Variants in ZNF121 observed in about 807,000 individuals in gnomAD.
The protein encoded by ZNF121 is zinc finger protein 121 (clone ZHC32).
A neutral mutation model predicts 2.4 loss-of-function variants in ZNF121; 1 was observed. That is an observed-to-expected ratio of 0.41 (90% CI 0.15 to 1.94). ZNF121 has a LOEUF of 1.94. Among genes scored for constraint, ZNF121 ranks in the 30% most tolerant of loss-of-function variants. The pLI is 0.30. For synonymous variants in ZNF121, 173 were observed against 158.6 expected, an observed-to-expected ratio of 1.09 and a Z score of -0.68; for missense variants, 369 against 466.3, an observed-to-expected ratio of 0.79 and a Z score of 1.92.
chr19:9,571,281 T>C (rs1442151930), intron 1 of ZNF121, among the ~76,000 whole-genome samples: 1 of 152,192 alleles, frequency 6.6e-6, no homozygotes, highest in Non-Finnish European at 1.5e-5. Flanking sequence ...CCATGGGCCA[T>C]AGTGTACCAA....
Position 9,565,423 on chromosome 19 carries a change from A to G in ZNF121, c.*517T>C, listed in dbSNP as rs1276076134. On this transcript the variant is annotated 3_prime_UTR_variant, in exon 4 of 4. Coordinates refer to ENST00000320451, the MANE Select transcript of ZNF121 (RefSeq NM_001008727.5). ...AGTGGCTCACTCCTATAATCCCAGC[A>G]CTTTGGGAGGCCAAGGCGGGTGGAT... The G allele has an allele frequency of 7.0e-6, 1 of 143,298 alleles. No homozygotes were observed. The highest frequency in any genetic ancestry group is 1.5e-5 in the Non-Finnish European group (1 of 66,394). The allele number at this position is 143,298 out of a possible 1,614,324, so 8.9% of individuals were successfully genotyped here. A position where few individuals can be genotyped will look rare whatever the true frequency, so the allele number is the denominator to read the frequency against.
rs929704709 is a variant in ZNF121 at position 9,584,445 on chromosome 19, A to G, written c.-160+16T>C. 7.9e-5 allele frequency: 12 copies of G among 152,528 alleles called. No individual in the cohort carries two copies. The highest frequency in any genetic ancestry group is 2.9e-4 in the African/African-American group (12 of 41,592). The allele number at this position is 152,528 out of a possible 1,614,324, so 9.4% of individuals were successfully genotyped here. A position where few individuals can be genotyped will look rare whatever the true frequency, so the allele number is the denominator to read the frequency against. ...CCCCCCGCTATCTCCGGGATCCCCA[A>G]GCAGGCGGAACTCACCACAGCCAGG... On this transcript the variant is annotated intron_variant, in intron 1 of 3. Coordinates refer to ENST00000320451, the MANE Select transcript of ZNF121 (RefSeq NM_001008727.5).
At chr19:9,573,923 T>C (rs1207765039) in intron 1 of ZNF121, among the ~76,000 whole-genome samples, 1 of 152,020 alleles carries the variant, frequency 6.6e-6, no homozygotes, top group Non-Finnish European at 1.5e-5. Context: ...CATGGCTCAA[T>C]GCAGCCTTTA....
chr19:9,583,131 C>G (rs1361795378), intron 1 of ZNF121, among the ~76,000 whole-genome samples: 4 of 149,486 alleles, frequency 2.7e-5, no homozygotes, highest in Non-Finnish European at 5.9e-5. Context: ...GCAGGAGAAT[C>G]ACTTGAACCC....
chr19:9,582,340 C>G (rs957758129), intron 1 of ZNF121, among the ~76,000 whole-genome samples: 5 of 152,132 alleles, frequency 3.3e-5, no homozygotes, highest in Non-Finnish European at 7.4e-5. Flanking sequence ...TGACATTCCA[C>G]CATTGTGATT....
At position 9,561,915 on chromosome 19, in the gene ZNF121, A is replaced by C. The variant is rs1203759763; in HGVS notation, c.*4025T>G. On this transcript the variant is annotated 3_prime_UTR_variant, in exon 4 of 4. Coordinates refer to ENST00000320451, the MANE Select transcript of ZNF121 (RefSeq NM_001008727.5). ...CAAAAAGAAAAAAAAAAAAAAGGAA[A>C]AGAAAACCACCATTTGGAAACCACT... 5 of 152,154 alleles carry C rather than the reference A, an allele frequency of 3.3e-5. No individual in the cohort carries two copies. Among genetic ancestry groups the C allele is most frequent in the Admixed American group, 3.3e-4 (5 of 15,246 alleles). 9.4% of individuals were successfully genotyped at this position (152,154 alleles called of 1,614,324 possible). A position where few individuals can be genotyped will look rare whatever the true frequency, so the allele number is the denominator to read the frequency against.
Position 9,566,568 on chromosome 19 carries a change from G to A in ZNF121, c.545C>T (p.Thr182Ile), listed in dbSNP as rs773232409. 2 of 1,614,222 alleles carry A rather than the reference G, an allele frequency of 1.2e-6. No homozygotes were observed. Among genetic ancestry groups the A allele is most frequent in the Non-Finnish European group, 1.7e-6 (2 of 1,180,036 alleles). The change falls in exon 4 of 4, where the codon ACT becomes ATT. Residue 182 changes from threonine (T) to isoleucine (I), a missense_variant. Physicochemically the swap from Thr to Ile is moderately conservative, Grantham distance 89. Around this residue, in one of 4 missense-constraint regions of ZNF121, gnomAD observed 68 missense variants for 105.5 expected, o/e 0.64. Coordinates refer to ENST00000320451, the MANE Select transcript of ZNF121 (RefSeq NM_001008727.5). ...ATGTTCAACTAGGTGTGAAGAAACA[G>A]TGAAGCATTTCCCACATTCCTTACA... is the stretch of plus-strand genomic sequence containing the variant. ...YECKECGKCF[T>I]VSSHLVEHVR...
rs2074116085 is a variant in ZNF121 at position 9,564,194 on chromosome 19, G to C, written c.*1746C>G. On this transcript the variant is annotated 3_prime_UTR_variant, in exon 4 of 4. Transcript: ENST00000320451. ...CCATTAACAACATTTATGATTCATG[G>C]AAGGAGGTCAAAATATCAACATTAA... 1 of 152,106 alleles carries C rather than the reference G, an allele frequency of 6.6e-6. No individual in the cohort carries two copies. Among genetic ancestry groups the C allele is most frequent in the African/African-American group, 2.4e-5 (1 of 41,420 alleles). 9.4% of individuals were successfully genotyped at this position (152,106 alleles called of 1,614,324 possible).
intron 1 of ZNF121, among the ~76,000 whole-genome samples, chr19:9,578,393 C>CA (rs977985755): frequency 2.0e-3 from 278 of 136,206 alleles, no homozygotes; most frequent in African/African-American, 5.2e-3. Flanking sequence ...GACTTAGTCT[C>CA]AAAAAAAAAA....
In ZNF121 at chr19:9,565,403, C is replaced by T. The variant is rs928932957; in HGVS notation, c.*537G>A. On this transcript the variant is annotated 3_prime_UTR_variant, in exon 4 of 4. Coordinates refer to ENST00000320451, the MANE Select transcript of ZNF121 (RefSeq NM_001008727.5). ...AAAAAAAAAAGGCCAGGAGCAGTGG[C>T]TCACTCCTATAATCCCAGCACTTTG... 7.8e-6 allele frequency: 1 copy of T among 128,198 alleles called. No homozygotes were observed. The highest frequency in any genetic ancestry group is 2.9e-5 in the African/African-American group (1 of 34,728). 7.9% of individuals were successfully genotyped at this position (128,198 alleles called of 1,614,324 possible).
At chr19:9,579,768 T>C (rs1259746296) in intron 1 of ZNF121, among the ~76,000 whole-genome samples, 1 of 152,256 alleles carries the variant, frequency 6.6e-6, no homozygotes, top group African/African-American at 2.4e-5. Flanking sequence ...AACACTCATC[T>C]ATTGTACATT....
Position 9,565,068 on chromosome 19 carries a change from T to G in ZNF121, c.*872A>C, listed in dbSNP as rs534704068. 6.6e-6 allele frequency: 1 copy of G among 152,208 alleles called. No homozygotes were observed. Among genetic ancestry groups the G allele is most frequent in the Non-Finnish European group, 1.5e-5 (1 of 68,040 alleles). 9.4% of individuals were successfully genotyped at this position (152,208 alleles called of 1,614,324 possible). On this transcript the variant is annotated 3_prime_UTR_variant, in exon 4 of 4. Transcript: ENST00000320451. ...CCATATGATGTAAACCTAACTTATATGCACTGGGAAACCAAAACATTTGTA... is the reference window on the plus strand; with the variant it reads ...CCATATGATGTAAACCTAACTTATAGGCACTGGGAAACCAAAACATTTGTA...
Position 9,563,596 on chromosome 19 carries a change from TCTTTA to T in ZNF121, c.*2339_*2343del, listed in dbSNP as rs2074113037. ...TCAAAGATTCAAAGGACGGGCTGACTCTTTACTTTGTAGAGACAGCGTCACGCTCT... is the reference window on the plus strand; with the variant it reads ...TCAAAGATTCAAAGGACGGGCTGACTCTTTGTAGAGACAGCGTCACGCTCT... On this transcript the variant is annotated 3_prime_UTR_variant, in exon 4 of 4. Coordinates refer to ENST00000320451, the MANE Select transcript of ZNF121 (RefSeq NM_001008727.5). 2.0e-5 allele frequency: 3 copies of T among 152,328 alleles called. No homozygotes were observed. Among genetic ancestry groups the T allele is most frequent in the African/African-American group, 7.2e-5 (3 of 41,576 alleles). The allele number at this position is 152,328 out of a possible 1,614,324, so 9.4% of individuals were successfully genotyped here.
intron 1 of ZNF121, among the ~76,000 whole-genome samples, chr19:9,583,489 CTTTTTTTTTTTT>C (rs1185311747): frequency 1.8e-5 from 1 of 56,390 alleles, no homozygotes; most frequent in Non-Finnish European, 2.9e-5. Context: ...CCAAGCCTGG[CTTTTTTTTTTTT>C]TTTTTTTTTT....
At chr19:9,578,980 C>CA (rs746310089) in intron 1 of ZNF121, among the ~76,000 whole-genome samples, 3,637 of 85,990 alleles carry the variant, frequency 0.042, 74 homozygotes, top group East Asian at 0.083. Context: ...AACTTGATAG[C>CA]AAAAAAAAAA....
Position 9,566,984 on chromosome 19 carries a change from CTCA to C in ZNF121, c.126_128del (p.Asp42del). The C allele has an allele frequency of 6.2e-7, 1 of 1,614,180 alleles. No homozygotes were observed. Among genetic ancestry groups the C allele is most frequent in the Non-Finnish European group, 8.5e-7 (1 of 1,180,026 alleles). On this transcript the variant is annotated inframe_deletion, in exon 4 of 4. Coordinates refer to ENST00000320451, the MANE Select transcript of ZNF121 (RefSeq NM_001008727.5). ...GTAACATGGGAAAGTTTTCTCCATACTCATCACAGTCATAAGTGTCCCCTGTAT... is the reference window on the plus strand; with the variant it reads ...GTAACATGGGAAAGTTTTCTCCATACTCACAGTCATAAGTGTCCCCTGTAT...
chr19:9,582,666 T>G (rs1393151066), intron 1 of ZNF121, among the ~76,000 whole-genome samples: 2 of 151,626 alleles, frequency 1.3e-5, no homozygotes, highest in African/African-American at 4.9e-5. Flanking sequence ...GGAGAATTAC[T>G]TGAACCTGGG....
chr19:9,560,774 T>A lies in ZNF121; in HGVS notation c.*5166A>T, dbSNP rs988077591. 1 of 152,268 alleles carries A rather than the reference T, an allele frequency of 6.6e-6. No homozygotes were observed. The highest frequency in any genetic ancestry group is 2.4e-5 in the African/African-American group (1 of 41,464). The allele number at this position is 152,268 out of a possible 1,614,324, so 9.4% of individuals were successfully genotyped here. ...TTGGCTCTTCTGAATAATGCTGCAA[T>A]GAACACAGGTAGGCATTCACACATT... On this transcript the variant is annotated 3_prime_UTR_variant, in exon 4 of 4. Coordinates refer to ENST00000320451, the MANE Select transcript of ZNF121 (RefSeq NM_001008727.5).
Position 9,565,456 on chromosome 19 carries a change from G to A in ZNF121, c.*484C>T, listed in dbSNP as rs1344370342. ...AGGCCAAGGCGGGTGGATCACCTGA[G>A]GTCAGGAGCTCGAGACCAGCCTGGC... On this transcript the variant is annotated 3_prime_UTR_variant, in exon 4 of 4. Transcript: ENST00000320451. 6.8e-6 allele frequency: 1 copy of A among 148,032 alleles called. No individual in the cohort carries two copies. The highest frequency in any genetic ancestry group is 2.0e-4 in the East Asian group (1 of 5,078). 9.2% of individuals were successfully genotyped at this position (148,032 alleles called of 1,614,324 possible). A position where few individuals can be genotyped will look rare whatever the true frequency, so the allele number is the denominator to read the frequency against.
Sources: gnomAD v4.1 joint callset for allele counts (sites outside exome capture counted in the v4.1 genomes callset) on GRCh38, gnomAD v4.1.1 for gene constraint, gnomAD v4.1.1 regional missense constraint, MANE v1.5 for transcripts, NCBI Gene and HGNC (gene_info 2026-07-23, HGNC 2026-07-21) for gene names.